CACNA1C: variants seen among roughly 807,000 people sequenced by gnomAD.
CACNA1C encodes the protein calcium voltage-gated channel subunit alpha1 C.
Under a neutral mutation model 229.0 loss-of-function variants are expected in CACNA1C, and 30 were observed. That is an observed-to-expected ratio of 0.13 (90% confidence interval 0.10 to 0.18). The LOEUF is 0.18. CACNA1C is among the 10% of genes least tolerant of loss of function. The pLI, the probability that CACNA1C is intolerant of heterozygous loss-of-function variation, is 1.00. For missense variants in CACNA1C, 1,658 were observed against 2,845.0 expected (o/e 0.58, Z 9.49); for synonymous variants, 1,114 against 1,132.5 (o/e 0.98, Z 0.33).
At chr12:2,140,391 A>G (rs2094037164) in intron 3 of CACNA1C, among the ~76,000 whole-genome samples, 1 of 151,396 alleles carries the variant, frequency 6.6e-6, no homozygotes, top group South Asian at 2.1e-4. Context: ...AAGGCACTCG[A>G]TGAGTATTTG....
chr12:2,598,245 G>A (rs1274734994), intron 21 of CACNA1C, among the ~76,000 whole-genome samples: 1 of 152,188 alleles, frequency 6.6e-6, no homozygotes, highest in Non-Finnish European at 1.5e-5. Context: ...CCAGCCCCCA[G>A]CCCCCAGCCC....
In CACNA1C at chr12:2,539,859, CTTAAGGAGGGT is replaced by C. The variant is rs1568307285; in HGVS notation, c.1391-10081_1391-10071del. On this transcript the variant is annotated intron_variant, in intron 9 of 46. Transcript: ENST00000399655. The stretch of plus-strand genomic sequence containing the variant: ...TAAAGATGCAGGCAGGGTTTAAGGA[CTTAAGGAGGGT>C]TTCATAAAGATGCAGGCAGGGTTTA... 2.5e-5 allele frequency among the ~76,000 whole-genome samples: 3 copies of C among 118,190 alleles called. 1 individual carries two copies. The highest frequency in any genetic ancestry group is 9.0e-5 in the Admixed American group (1 of 11,120). 77.5% of individuals were successfully genotyped at this position (118,190 alleles called of 152,430 possible).
intron 3 of CACNA1C, among the ~76,000 whole-genome samples, chr12:2,162,597 C>A (rs1220413045): frequency 6.6e-6 from 1 of 151,928 alleles, no homozygotes; most frequent in Non-Finnish European, 1.5e-5. Context: ...TACAGGGAGA[C>A]CTAGAGACGG....
chr12:2,551,958 G>A (rs2099905300), intron 10 of CACNA1C, among the ~76,000 whole-genome samples: 1 of 152,174 alleles, frequency 6.6e-6, no homozygotes, highest in South Asian at 2.1e-4. Flanking sequence ...AACAAGGGTG[G>A]ACACACATGT....
In CACNA1C at chr12:2,608,631, C is replaced by T; in HGVS notation, c.3477C>T (p.Asn1159=). ...TCATCATCGCCTTCTTCATGATGAA[C>T]ATCTTCGTGGGCTTCGTCATCGTCA... ...YIIIIAFFMM[N]IFVGFVIVTF... is the part of the protein sequence containing the mutation. Residue 1159 remains asparagine (N), a synonymous_variant, in exon 27 of 47, where the codon AAC becomes AAT. Coordinates refer to ENST00000399655, the MANE Select transcript of CACNA1C (RefSeq NM_000719.7). The surrounding 1 kb of genome is among the most constrained non-coding windows in gnomAD (Gnocchi z 4.2). 1 of 1,613,242 alleles carries T rather than the reference C, an allele frequency of 6.2e-7. No individual in the cohort carries two copies. Among genetic ancestry groups the T allele is most frequent in the Non-Finnish European group, 8.5e-7 (1 of 1,179,132 alleles).
rs576351183 is a variant in CACNA1C, at chr12:1,978,374, G to C, written c.139+7173G>C. Among the ~76,000 whole-genome samples the C allele has an allele frequency of 3.9e-5, 6 of 152,318 alleles. No homozygotes were observed. In the East Asian group the frequency reaches 9.6e-4, roughly 24 times the overall value. ...AAGCCAAGACGCAAAGTAATAAAGA[G>C]TTAGTGTAATATTCTAACCAACACA... On this transcript the variant is annotated intron_variant, in intron 1 of 46. Transcript: ENST00000682462.
At chr12:2,357,652 GT>G (rs201975554) in intron 3 of CACNA1C, among the ~76,000 whole-genome samples, 3 of 136,282 alleles carry the variant, frequency 2.2e-5, no homozygotes, top group African/African-American at 8.9e-5. Context: ...ATTTGTTTGG[GT>G]TTTTTTTCCT....
intron 3 of CACNA1C, among the ~76,000 whole-genome samples, chr12:2,248,062 G>A (rs769945592): frequency 2.0e-5 from 3 of 152,158 alleles, no homozygotes; most frequent in Non-Finnish European, 2.9e-5. Context: ...TAAGTTCTAT[G>A]TATATATGTG....
intron 9 of CACNA1C, among the ~76,000 whole-genome samples, chr12:2,520,741 A>G (rs938054704): frequency 2.2e-5 from 3 of 134,386 alleles, no homozygotes; most frequent in East Asian, 4.6e-4. Context: ...GAGGGAAGCC[A>G]TGACAGTCTT....
chr12:2,103,488 A>G (rs1045644577), intron 1 of CACNA1C, among the ~76,000 whole-genome samples: 1 of 152,062 alleles, frequency 6.6e-6, no homozygotes, highest in Admixed American at 6.6e-5. Flanking sequence ...GCTTTGTCAG[A>G]TGAGTAGATT....
intron 10 of CACNA1C, chr12:2,550,517 T>C: frequency 7.4e-7 from 1 of 1,344,606 alleles, no homozygotes; most frequent in African/African-American, 1.5e-5. Context: ...ATGTGGGTCC[T>C]TACCTGAAGC....
chr12:2,628,707 G>T (rs2088577432), intron 29 of CACNA1C, among the ~76,000 whole-genome samples: 1 of 151,394 alleles, frequency 6.6e-6, no homozygotes, highest in Admixed American at 6.6e-5. Flanking sequence ...AGGAGTTCCA[G>T]ACCAGCCTGG....
intron 3 of CACNA1C, among the ~76,000 whole-genome samples, chr12:2,343,808 A>G (rs1050110716): frequency 2.0e-5 from 3 of 152,206 alleles, no homozygotes; most frequent in Non-Finnish European, 4.4e-5. Context: ...CAGAAAGAGC[A>G]ACTCATATGA....
At chr12:2,189,295 A>G (rs2097142517) in intron 3 of CACNA1C, among the ~76,000 whole-genome samples, 2 of 152,142 alleles carry the variant, frequency 1.3e-5, no homozygotes, top group African/African-American at 4.8e-5. Flanking sequence ...AGATGGATGC[A>G]GCGAGGACAG....
chr12:2,020,465 T>C (rs886937655), intron 1 of CACNA1C: 3 of 152,164 alleles, frequency 2.0e-5, no homozygotes, highest in African/African-American at 7.2e-5. Flanking sequence ...ACAAATTTCC[T>C]GAAGTAAGGC....
chr12:2,582,898 T>C lies in CACNA1C; in HGVS notation c.2180T>C (p.Met727Thr). Reference sequence around the variant, plus strand: ...TATGGCGGCCCCTCTTTTCCAGGGATGTTAGTCTGTATTTACTTCATCATC... The same window carrying C: ...TATGGCGGCCCCTCTTTTCCAGGGACGTTAGTCTGTATTTACTTCATCATC... Reference protein sequence around the residue: ...MAYGGPSFPGMLVCIYFIILF... With the variant: ...MAYGGPSFPGTLVCIYFIILF... The change falls in exon 15 of 47, where the codon ATG (methionine) becomes ACG (threonine). Residue 727 changes from methionine to threonine, a missense_variant. Physicochemically the swap from Met to Thr is moderately conservative, Grantham distance 81. Transcript: ENST00000399655. 1.2e-6 allele frequency: 2 copies of C among 1,602,590 alleles called. No homozygotes were observed. The highest frequency in any genetic ancestry group is 1.1e-5 in the South Asian group (1 of 89,022).
At chr12:2,249,644 C>T (rs1034152889) in intron 3 of CACNA1C, among the ~76,000 whole-genome samples, 1 of 152,152 alleles carries the variant, frequency 6.6e-6, no homozygotes, top group African/African-American at 2.4e-5. Context: ...GATGATTGTT[C>T]CCTGTTTATT....
intron 1 of CACNA1C, among the ~76,000 whole-genome samples, chr12:2,074,818 C>T (rs1014334173): frequency 3.3e-5 from 5 of 152,312 alleles, no homozygotes; most frequent in African/African-American, 1.2e-4. Flanking sequence ...TCTGAGTCAC[C>T]CCTCCCCATC....
At chr12:2,093,527 C>T (rs2072347857) in intron 1 of CACNA1C, among the ~76,000 whole-genome samples, 1 of 152,218 alleles carries the variant, frequency 6.6e-6, no homozygotes, top group African/African-American at 2.4e-5. Context: ...TCCACGCTGG[C>T]AACATGTGTT....
Sources: allele counts gnomAD v4.1 joint callset (sites outside exome capture counted in the v4.1 genomes callset), GRCh38; gene constraint gnomAD v4.1.1; non-coding constraint Gnocchi (gnomAD v3.1); transcripts MANE v1.5; gene names NCBI Gene and HGNC (gene_info 2026-07-23, HGNC 2026-07-21).